Variants in MTUS2 observed in about 807,000 individuals in gnomAD.
The protein encoded by MTUS2 is microtubule associated scaffold protein 2, also known as microtubule-associated tumor suppressor candidate 2.
Under a neutral mutation model 114.1 loss-of-function variants are expected in MTUS2, and 40 were observed. The ratio of observed to expected loss-of-function variants is 0.35; its 90% CI spans 0.27 to 0.46. The LOEUF (loss-of-function observed/expected upper bound fraction) is 0.46. MTUS2 is among the 20% of genes least tolerant of loss of function. The probability of loss-of-function intolerance (pLI) is 1.00; values close to 1 mark genes in which losing one functional copy is unlikely to be tolerated. For synonymous variants in MTUS2, 688 were observed against 672.0 expected, an observed-to-expected ratio of 1.02 and a Z score of -0.37; for missense variants, 1,679 against 1,705.4, an observed-to-expected ratio of 0.98 and a Z score of 0.27.
intron 2 of MTUS2, among the ~76,000 whole-genome samples, chr13:28,936,649 T>A (rs1380146844): frequency 2.0e-5 from 3 of 152,116 alleles, no homozygotes; most frequent in Non-Finnish European, 2.9e-5. Context: ...TCTGGCAGCG[T>A]TGGAGGAGGG....
chr13:29,176,163 AT>A (rs1057019735), intron 5 of MTUS2, among the ~76,000 whole-genome samples: 1 of 152,020 alleles, frequency 6.6e-6, no homozygotes, highest in Non-Finnish European at 1.5e-5. Context: ...CAATGAGTTC[AT>A]TTTTTTGTTT....
chr13:29,303,427 A>G (rs565680437), intron 6 of MTUS2, among the ~76,000 whole-genome samples: 32 of 152,326 alleles, frequency 2.1e-4, no homozygotes, highest in African/African-American at 7.7e-4. Flanking sequence ...GCTGATAGCT[A>G]GAATAGCCAG....
intron 5 of MTUS2, among the ~76,000 whole-genome samples, chr13:29,162,887 T>G (rs1893158918): frequency 6.6e-6 from 1 of 152,192 alleles, no homozygotes; most frequent in South Asian, 2.1e-4. Flanking sequence ...GCAGCTGAGT[T>G]TGATCATTAT....
intron 8 of MTUS2, among the ~76,000 whole-genome samples, chr13:29,427,499 G>A (rs1198198341): frequency 1.3e-5 from 2 of 152,194 alleles, no homozygotes; most frequent in African/African-American, 4.8e-5. Flanking sequence ...GTCAAGGTGT[G>A]CGTACATTCA....
At chr13:29,288,675 A>G (rs951420570) in intron 6 of MTUS2, among the ~76,000 whole-genome samples, 1 of 152,166 alleles carries the variant, frequency 6.6e-6, no homozygotes, top group Non-Finnish European at 1.5e-5. Flanking sequence ...AAGGAGCTGC[A>G]CCACCTTGTC....
intron 9 of MTUS2, among the ~76,000 whole-genome samples, chr13:29,449,718 T>C (rs1878553844): frequency 6.7e-6 from 1 of 149,898 alleles, no homozygotes; most frequent in South Asian, 2.3e-4. Flanking sequence ...ATAAACAAAA[T>C]AAAATAGTTG....
intron 5 of MTUS2, among the ~76,000 whole-genome samples, chr13:29,206,372 C>G (rs1440393750): frequency 2.6e-5 from 4 of 152,272 alleles, no homozygotes; most frequent in Admixed American, 6.5e-5. Flanking sequence ...GTTCACTCTG[C>G]TGATTATTGC....
intron 5 of MTUS2, among the ~76,000 whole-genome samples, chr13:29,212,320 TA>T (rs148432103): frequency 2.0e-5 from 3 of 150,204 alleles, no homozygotes; most frequent in African/African-American, 2.4e-5. Flanking sequence ...TTTGGATGAT[TA>T]AAAAAAAACC....
intron 5 of MTUS2, among the ~76,000 whole-genome samples, chr13:29,220,021 G>C (rs925829715): frequency 1.3e-5 from 2 of 149,780 alleles, no homozygotes; most frequent in Non-Finnish European, 3.0e-5. Flanking sequence ...TTGAGACAGA[G>C]TTTTGCTCTT....
In MTUS2 at chr13:29,375,571, ATACATATATATATATACGT is replaced by A. The variant is rs1871591831; in HGVS notation, c.3117+16099_3117+16117del. On this transcript the variant is annotated intron_variant, in intron 8 of 15. Coordinates refer to ENST00000612955, the MANE Select transcript of MTUS2 (RefSeq NM_001033602.4). ...TATATATATATACGTATATATATAT[ATACATATATATATATACGT>A]ATATATATATATATATACGTATATA... Among the ~76,000 whole-genome samples the A allele has an allele frequency of 4.0e-4, 2 of 5,016 alleles. 1 individual carries two copies. The highest frequency in any genetic ancestry group is 1.1e-3 in the Non-Finnish European group (2 of 1,850). 3.3% of individuals were successfully genotyped at this position (5,016 alleles called of 152,430 possible). A position where few individuals can be genotyped will look rare whatever the true frequency, so the allele number is the denominator to read the frequency against.
intron 12 of MTUS2, among the ~76,000 whole-genome samples, chr13:29,495,389 C>G (rs1281644803): frequency 7.4e-6 from 1 of 135,958 alleles, no homozygotes; most frequent in Non-Finnish European, 1.6e-5. Context: ...AAGGAAGTAA[C>G]TGGAAAAGAG....
intron 9 of MTUS2, among the ~76,000 whole-genome samples, chr13:29,471,828 G>A (rs1018088846): frequency 6.8e-6 from 1 of 147,772 alleles, no homozygotes; most frequent in Non-Finnish European, 1.5e-5. Context: ...GGCTACTTAC[G>A]GGACCCCTAG....
intron 7 of MTUS2, among the ~76,000 whole-genome samples, chr13:29,349,389 G>A (rs1211394138): frequency 6.6e-6 from 1 of 151,820 alleles, no homozygotes; most frequent in Non-Finnish European, 1.5e-5. Context: ...ATAATACATT[G>A]TTATTATTAT....
intron 4 of MTUS2, among the ~76,000 whole-genome samples, chr13:29,036,411 C>T (rs933546897): frequency 6.6e-6 from 1 of 152,170 alleles, no homozygotes; most frequent in African/African-American, 2.4e-5. Context: ...GATTTGTTTA[C>T]ATCTAACCTC....
chr13:29,440,760 C>T (rs1162840968), intron 9 of MTUS2, among the ~76,000 whole-genome samples: 6 of 152,206 alleles, frequency 3.9e-5, no homozygotes, highest in Admixed American at 3.9e-4. Flanking sequence ...AGCACTCCTC[C>T]TCCATCTAGT....
intron 2 of MTUS2, among the ~76,000 whole-genome samples, chr13:29,020,426 T>C (rs1345165730): frequency 1.3e-5 from 2 of 152,124 alleles, no homozygotes; most frequent in African/African-American, 4.8e-5. Context: ...AGGCCTTGGA[T>C]TGAAATTTAG....
chr13:29,281,207 T>C (rs1221218222), intron 5 of MTUS2, among the ~76,000 whole-genome samples: 1 of 152,140 alleles, frequency 6.6e-6, no homozygotes, highest in African/African-American at 2.4e-5. Flanking sequence ...GGAGGTGAAA[T>C]GAGCGAGATT....
intron 4 of MTUS2, among the ~76,000 whole-genome samples, chr13:29,082,890 A>G (rs1182620020): frequency 6.6e-6 from 1 of 152,114 alleles, no homozygotes; most frequent in African/African-American, 2.4e-5. Context: ...GCATGAGAGG[A>G]GGTTACTAAA....
intron 2 of MTUS2, among the ~76,000 whole-genome samples, chr13:28,860,344 CT>C (rs1337536880): frequency 6.6e-6 from 1 of 152,144 alleles, no homozygotes; most frequent in East Asian, 1.9e-4. Flanking sequence ...TTTCTTCCCC[CT>C]AAGAGGTTAG....
Sources: gnomAD v4.1 joint callset for allele counts (sites outside exome capture counted in the v4.1 genomes callset) on GRCh38, gnomAD v4.1.1 for gene constraint, MANE v1.5 for transcripts, NCBI Gene and HGNC (gene_info 2026-07-23, HGNC 2026-07-21) for gene names.